TMX4: variants seen among roughly 807,000 people sequenced by gnomAD.
The protein encoded by TMX4 is thioredoxin-related transmembrane protein 4.
TMX4 carries 23 observed loss-of-function variants against 33.3 expected under a neutral mutation model. The observed-to-expected ratio is 0.69, with a 90% CI of 0.50 to 0.98. The LOEUF (loss-of-function observed/expected upper bound fraction) is 0.98, where lower values mean the gene tolerates loss of function less well. TMX4 is among the 50% of genes least tolerant of loss of function. TMX4 has a pLI of 0.00. For missense variants in TMX4, 399 were observed against 448.9 expected (o/e 0.89, Z 1.01); for synonymous variants, 164 against 161.5 (o/e 1.02, Z -0.12).
rs1172137306 is a variant in TMX4 at position 7,978,902 on chromosome 20, T to G, written c.*3349A>C. 6.6e-6 allele frequency: 1 copy of G among 152,134 alleles called. No homozygotes were observed. The highest frequency in any genetic ancestry group is 1.5e-5 in the Non-Finnish European group (1 of 68,032). 9.4% of individuals were successfully genotyped at this position (152,134 alleles called of 1,614,324 possible). On this transcript the variant is annotated 3_prime_UTR_variant, in exon 8 of 8. Coordinates refer to ENST00000246024, the MANE Select transcript of TMX4 (RefSeq NM_021156.4). ...TAAAGGTAATCAGAAGTTTCAAACT[T>G]TCCTTCTAATTGATGAAAAGATACC...
intron 2 of TMX4, among the ~76,000 whole-genome samples, chr20:8,007,415 C>A (rs1270865103): frequency 6.6e-6 from 1 of 152,190 alleles, no homozygotes; most frequent in Non-Finnish European, 1.5e-5. Context: ...ACCTCCTAAC[C>A]ATTCTCCCTG....
chr20:8,001,603 G>A (rs1390114201), intron 2 of TMX4, 62 bp from the exon 3 acceptor site: 3 of 1,454,026 alleles, frequency 2.1e-6, no homozygotes, highest in African/African-American at 2.9e-5. Context: ...GCATTCTTGA[G>A]CTTACTTTCA....
chr20:8,019,180 G>A, intron 1 of TMX4: 1 of 490,952 alleles, frequency 2.0e-6, no homozygotes, highest in Non-Finnish European at 3.6e-6. Flanking sequence ...AGGGCTCGGC[G>A]CGCATGCGCG....
At chr20:7,998,258 A>T (rs58818022) in intron 4 of TMX4, among the ~76,000 whole-genome samples, 2,074 of 152,268 alleles carry the variant, frequency 0.014, 53 homozygotes, top group East Asian at 0.064. Context: ...ACCCAACAAG[A>T]TTTATACAGA....
At chr20:7,998,549 C>T (rs1010550977) in intron 4 of TMX4, among the ~76,000 whole-genome samples, 3 of 152,098 alleles carry the variant, frequency 2.0e-5, no homozygotes, top group Non-Finnish European at 4.4e-5. Context: ...GTGTGCTGAT[C>T]ACTTCCAACT....
At position 7,982,107 on chromosome 20, in the gene TMX4, C is replaced by G. The variant is rs563519858; in HGVS notation, c.*144G>C. The G allele has an allele frequency of 1.2e-6, 1 of 809,866 alleles. No individual in the cohort carries two copies. The highest frequency in any genetic ancestry group is 1.7e-5 in the African/African-American group (1 of 57,528). The allele number at this position is 809,866 out of a possible 1,614,324, so 50.2% of individuals were successfully genotyped here. A position where few individuals can be genotyped will look rare whatever the true frequency, so the allele number is the denominator to read the frequency against. ...CTCTCCTTAGTATACATGAGGCTTA[C>G]TGCCATGAGACCAAATGACTAGAGA... On this transcript the variant is annotated 3_prime_UTR_variant, in exon 8 of 8. Transcript: ENST00000246024.
At chr20:8,015,208 T>C (rs2050769319) in intron 1 of TMX4, among the ~76,000 whole-genome samples, 1 of 152,290 alleles carries the variant, frequency 6.6e-6, no homozygotes, top group Non-Finnish European at 1.5e-5. Context: ...TTTAAACCCT[T>C]TGTGGAAACC....
chr20:7,996,238 T>G (rs2050675963), intron 4 of TMX4, among the ~76,000 whole-genome samples, 167 bp from the exon 5 acceptor site: 10 of 152,188 alleles, frequency 6.6e-5, no homozygotes, highest in Admixed American at 6.5e-4. Context: ...GGCTATCATT[T>G]GAATCACTCT....
intron 2 of TMX4, among the ~76,000 whole-genome samples, chr20:8,002,311 C>T (rs1411302413): frequency 2.6e-5 from 4 of 152,072 alleles, no homozygotes; most frequent in Admixed American, 6.5e-5. Flanking sequence ...CATGTACAAC[C>T]TTTATTCTCA....
At chr20:7,991,050 A>G (rs1282541922) in intron 5 of TMX4, among the ~76,000 whole-genome samples, 1 of 152,216 alleles carries the variant, frequency 6.6e-6, no homozygotes, top group African/African-American at 2.4e-5. Flanking sequence ...TTTAAAATAC[A>G]CTTTGTTCTT....
intron 1 of TMX4, among the ~76,000 whole-genome samples, chr20:8,010,606 T>G (rs1368911769): frequency 6.6e-6 from 1 of 152,154 alleles, no homozygotes; most frequent in Non-Finnish European, 1.5e-5. Context: ...ATTATGTTTC[T>G]CTCCAGATAG....
chr20:7,986,976 G>A (rs2050633357), intron 6 of TMX4, among the ~76,000 whole-genome samples: 3 of 150,224 alleles, frequency 2.0e-5, no homozygotes, highest in Admixed American at 2.0e-4. Context: ...TGAAATCACA[G>A]CTGACTCAGT....
In TMX4 at chr20:7,980,147, G is replaced by T. The variant is rs916668968; in HGVS notation, c.*2104C>A. 1 of 152,168 alleles carries T rather than the reference G, an allele frequency of 6.6e-6. No individual in the cohort carries two copies. The highest frequency in any genetic ancestry group is 6.5e-5 in the Admixed American group (1 of 15,278). The allele number at this position is 152,168 out of a possible 1,614,324, so 9.4% of individuals were successfully genotyped here. The stretch of plus-strand genomic sequence containing the variant: ...GAATGTTCAACCTGTACTATTTGGG[G>T]TCCGGTTGGAAATTGGCTTTACATT... On this transcript the variant is annotated 3_prime_UTR_variant, in exon 8 of 8. Coordinates refer to ENST00000246024, the MANE Select transcript of TMX4 (RefSeq NM_021156.4).
At chr20:8,007,172 T>C (rs1400076781) in intron 2 of TMX4, among the ~76,000 whole-genome samples, 1 of 152,188 alleles carries the variant, frequency 6.6e-6, no homozygotes, top group East Asian at 1.9e-4. Context: ...GCCAAGTATA[T>C]TGATGGTCCT....
chr20:8,005,730 A>C (rs2050726336), intron 2 of TMX4, among the ~76,000 whole-genome samples: 1 of 152,134 alleles, frequency 6.6e-6, no homozygotes. Flanking sequence ...AGAGGAGCAC[A>C]CCAGCAGAAG....
In TMX4 at chr20:7,982,592, T is replaced by C. The variant is rs772734543; in HGVS notation, c.709A>G (p.Arg237Gly). Residue 237 changes from arginine (R) to glycine (G), a missense_variant, in exon 8 of 8, where the codon AGA (arginine) becomes GGA (glycine). Transcript: ENST00000246024. Reference sequence around the variant, plus strand: ...TCCGCATCCTGCAACTGTTCAGCTCTATGAGCCTCCTCTGATCTCCGATTC... The same window carrying C: ...TCCGCATCCTGCAACTGTTCAGCTCCATGAGCCTCCTCTGATCTCCGATTC... ...EQNRRSEEAH[R>G]AEQLQDAEEE... 6.8e-6 allele frequency: 11 copies of C among 1,613,156 alleles called. No homozygotes were observed. In the East Asian group the frequency reaches 2.5e-4, roughly 36 times the overall value.
rs150295522 is a variant in TMX4 at position 8,001,224 on chromosome 20, T to C, written c.338+272A>G. Reference sequence around the variant, plus strand: ...TTCTCTACCTTGTTGGCTTAATGCATTCCTACTTAGATATTAAGAATTACC... The same window carrying C: ...TTCTCTACCTTGTTGGCTTAATGCACTCCTACTTAGATATTAAGAATTACC... On this transcript the variant is annotated intron_variant, in intron 3 of 7. Coordinates refer to ENST00000246024, the MANE Select transcript of TMX4 (RefSeq NM_021156.4). Among the ~76,000 whole-genome samples the C allele has an allele frequency of 4.0e-3, 616 of 152,258 alleles. 5 individuals carry two copies. The highest frequency in any genetic ancestry group is 0.013 in the African/African-American group (543 of 41,562).
chr20:7,977,411 G>C lies in TMX4; in HGVS notation c.*4840C>G, dbSNP rs997606794. The C allele has an allele frequency of 6.6e-6, 1 of 152,206 alleles. No homozygotes were observed. Among genetic ancestry groups the C allele is most frequent in the Non-Finnish European group, 1.5e-5 (1 of 68,040 alleles). 9.4% of individuals were successfully genotyped at this position (152,206 alleles called of 1,614,324 possible). ...ATATTTTTTGCTGCCTAGGCAAATGGCTTTTGTGAAAACACTTGTATGAAA... is the reference window on the plus strand; with the variant it reads ...ATATTTTTTGCTGCCTAGGCAAATGCCTTTTGTGAAAACACTTGTATGAAA... On this transcript the variant is annotated 3_prime_UTR_variant, in exon 8 of 8. Transcript: ENST00000246024.
At chr20:7,984,091 AC>A (rs1262752797) in intron 6 of TMX4, among the ~76,000 whole-genome samples, 13 of 152,364 alleles carry the variant, frequency 8.5e-5, no homozygotes, top group African/African-American at 3.1e-4. Flanking sequence ...TCTACAGAGA[AC>A]CCACTATAAA....
Sources: allele counts gnomAD v4.1 joint callset (sites outside exome capture counted in the v4.1 genomes callset), GRCh38; gene constraint gnomAD v4.1.1; transcripts MANE v1.5; gene names NCBI Gene and HGNC (gene_info 2026-07-23, HGNC 2026-07-21).